SPTB: variants seen among roughly 807,000 people sequenced by gnomAD.
SPTB encodes the protein spectrin beta chain, erythrocytic.
Under a neutral mutation model 256.2 loss-of-function variants are expected in SPTB, and 45 were observed. The observed-to-expected ratio is 0.18, with a 90% confidence interval of 0.14 to 0.23. The LOEUF (loss-of-function observed/expected upper bound fraction) is 0.23, where lower values mean the gene tolerates loss of function less well. Among genes scored for constraint, SPTB ranks in the 10% least tolerant of loss-of-function variants. SPTB has a pLI of 1.00. For synonymous variants in SPTB, 1,231 were observed against 1,243.1 expected (o/e 0.99, Z 0.21); for missense variants, 2,715 against 3,040.4 (o/e 0.89, Z 2.52).
At chr14:64,773,105 C>T (rs947941068) in intron 25 of SPTB, 115 bp downstream of exon 25, 48 of 1,546,502 alleles carry the variant, frequency 3.1e-5, no homozygotes, top group African/African-American at 2.0e-4. Flanking sequence ...CGGCTGGTCC[C>T]GCCTCACACT....
chr14:64,776,128 G>A (rs1230135869), intron 22 of SPTB, among the ~76,000 whole-genome samples: 1 of 152,054 alleles, frequency 6.6e-6, no homozygotes, highest in African/African-American at 2.4e-5. Flanking sequence ...TGGTGTGTGG[G>A]CTCCTGAGCT....
chr14:64,851,642 A>T (rs1413098051), intron 1 of SPTB, among the ~76,000 whole-genome samples: 1 of 152,212 alleles, frequency 6.6e-6, no homozygotes, highest in Non-Finnish European at 1.5e-5. Context: ...CTGCTGGATA[A>T]AGAAAATGTG....
chr14:64,854,077 A>T (rs1266292953), intron 1 of SPTB, among the ~76,000 whole-genome samples: 2 of 151,680 alleles, frequency 1.3e-5, no homozygotes, highest in African/African-American at 4.8e-5. Flanking sequence ...CTGTAATCCC[A>T]GCTACTTAGG....
At chr14:64,842,396 G>T (rs17102205) in intron 1 of SPTB, among the ~76,000 whole-genome samples, 77 of 152,288 alleles carry the variant, frequency 5.1e-4, no homozygotes, top group African/African-American at 1.7e-3. Flanking sequence ...ATCCGGGGAC[G>T]TGAACCAGGC....
At position 64,774,385 on chromosome 14, in the gene SPTB, G is replaced by C; in HGVS notation, c.4973+12C>G. The C allele has an allele frequency of 1.3e-6, 2 of 1,585,182 alleles. No individual in the cohort carries two copies. The highest frequency in any genetic ancestry group is 1.7e-6 in the Non-Finnish European group (2 of 1,166,702). On this transcript the variant is annotated intron_variant, in intron 24 of 35. Coordinates refer to ENST00000644917, the MANE Select transcript of SPTB (RefSeq NM_001355436.2). ...CATCTCCTGACCGAGTCACCACAGG[G>C]GGCGCACGCACCCCTCAGGGTGGCC...
chr14:64,795,419 C>T lies in SPTB; in HGVS notation c.1562G>A (p.Arg521His), dbSNP rs760837664. Residue 521 changes from arginine (R) to histidine (H), a missense_variant, in exon 12 of 36, where the codon CGC becomes CAC. Arg to His is a conservative substitution (Grantham distance 29). Around this residue, in one of 4 missense-constraint regions of SPTB, gnomAD observed 2,239 missense variants for 2,384.4 expected, o/e 0.94. Coordinates refer to ENST00000644917, the MANE Select transcript of SPTB (RefSeq NM_001355436.2). The surrounding 1 kb of genome is among the most constrained non-coding windows in gnomAD (Gnocchi z 6.5). Reference protein sequence around the residue: ...SYLQELLQSRRQRLETTLALQ... With the variant: ...SYLQELLQSRHQRLETTLALQ... ...TGCCAGGGTGGTCTCGAGCCTCTGG[C>T]GCCGGGACTGCAGCAGCTCCTGCAG... The T allele has an allele frequency of 8.7e-6, 14 of 1,614,066 alleles. No homozygotes were observed. Among genetic ancestry groups the T allele is most frequent in the South Asian group, 3.3e-5 (3 of 91,088 alleles).
rs1321264786 is a variant in SPTB at position 64,853,661 on chromosome 14, T to A, written c.-52+26131A>T. Among the ~76,000 whole-genome samples, 4 of 152,120 alleles carry A rather than the reference T, an allele frequency of 2.6e-5. No individual in the cohort carries two copies. Among genetic ancestry groups the A allele is most frequent in the African/African-American group, 9.7e-5 (4 of 41,412 alleles). On this transcript the variant is annotated intron_variant, in intron 1 of 35. Transcript: ENST00000644917. This position sits in a 1 kb window ranked among gnomAD's most constrained non-coding sequence, Gnocchi z 4.3. ...GGCTTTGAGGGGGAGCAGACAGGCATGCAGGGCCAAGGGACAGTTGTATTC... is the reference window on the plus strand; with the variant it reads ...GGCTTTGAGGGGGAGCAGACAGGCAAGCAGGGCCAAGGGACAGTTGTATTC...
chr14:64,804,818 C>T, intron 3 of SPTB, 121 bp downstream of exon 3: 1 of 1,284,180 alleles, frequency 7.8e-7, no homozygotes, highest in East Asian at 2.3e-5. Flanking sequence ...AGTATTAGAG[C>T]CTCCCAAAGG....
chr14:64,830,516 C>T (rs561222417), intron 1 of SPTB, among the ~76,000 whole-genome samples: 89 of 152,118 alleles, frequency 5.9e-4, no homozygotes, highest in Admixed American at 9.8e-4. Flanking sequence ...CCCTGACCCA[C>T]GCACTCAGTT....
Position 64,802,333 on chromosome 14 carries a change from C to T in SPTB, c.475-16G>A. On this transcript the variant is annotated splice_polypyrimidine_tract_variant and intron_variant, in intron 4 of 35. Coordinates refer to ENST00000644917, the MANE Select transcript of SPTB (RefSeq NM_001355436.2). This position sits in a 1 kb window ranked among gnomAD's most constrained non-coding sequence, Gnocchi z 5.1. ...TGTCCTGAATCTGAGGGTAGCAGAA[C>T]AAGAGAGATTTGAAGAGGATGTGCA... 1 of 1,613,424 alleles carries T rather than the reference C, an allele frequency of 6.2e-7. No individual in the cohort carries two copies. The highest frequency in any genetic ancestry group is 1.1e-5 in the South Asian group (1 of 91,002).
intron 1 of SPTB, among the ~76,000 whole-genome samples, chr14:64,848,503 G>T (rs536256263): frequency 6.6e-6 from 1 of 152,136 alleles, no homozygotes; most frequent in African/African-American, 2.4e-5. Context: ...TCAGCTCATG[G>T]TTGAAATAAG....
At chr14:64,877,739 G>A (rs912711652) in intron 1 of SPTB, among the ~76,000 whole-genome samples, 6 of 152,218 alleles carry the variant, frequency 3.9e-5, no homozygotes, top group Non-Finnish European at 8.8e-5. Flanking sequence ...CAGAGCTGCA[G>A]CAGACCTGTC....
rs2139431671 is a variant in SPTB at position 64,753,628 on chromosome 14, C to T, written c.6511G>A (p.Ala2171Thr). The T allele has an allele frequency of 6.2e-7, 1 of 1,613,656 alleles. No homozygotes were observed. Among genetic ancestry groups the T allele is most frequent in the East Asian group, 2.2e-5 (1 of 44,866 alleles). Residue 2171 changes from alanine (A) to threonine (T), a missense_variant, in exon 33 of 36, where the codon GCC becomes ACC. Coordinates refer to ENST00000644917, the MANE Select transcript of SPTB (RefSeq NM_001355436.2). ...SEGDEPATLP[A>T]PRDHGQSVQM... ...ACACTCTGCCCATGGTCCCGCGGGG[C>T]CGGCAGCGTTGCGGGCTCATCACCC...
At chr14:64,757,617 G>A (rs2082033869) in intron 32 of SPTB, 1 of 152,546 alleles carries the variant, frequency 6.6e-6, no homozygotes, top group South Asian at 2.1e-4. Flanking sequence ...AAGGAACTGG[G>A]CTTTGGCAGG....
chr14:64,849,897 T>C (rs568166320), intron 1 of SPTB, among the ~76,000 whole-genome samples: 1 of 152,310 alleles, frequency 6.6e-6, no homozygotes, highest in South Asian at 2.1e-4. Flanking sequence ...TGGGCTGTAC[T>C]CTTCAAAGAC....
chr14:64,781,187 C>G (rs1057340665), intron 20 of SPTB, among the ~76,000 whole-genome samples: 8 of 152,134 alleles, frequency 5.3e-5, no homozygotes, highest in African/African-American at 1.9e-4. Flanking sequence ...GACAAAGACA[C>G]TAAAAGAAAT....
intron 33 of SPTB, chr14:64,752,360 AG>A: frequency 1.1e-6 from 1 of 886,394 alleles, no homozygotes; most frequent in Non-Finnish European, 1.6e-6. Flanking sequence ...GCACATAGGG[AG>A]GAAGTTCTGG....
chr14:64,769,558 G>A, intron 28 of SPTB, 32 bp downstream of exon 28: 1 of 1,612,498 alleles, frequency 6.2e-7, no homozygotes, highest in Non-Finnish European at 8.5e-7. Flanking sequence ...CGGAGACGGA[G>A]GAGCTCGCCT....
chr14:64,822,401 C>CACACACACACACACACATACACAGAGCA (rs1555374137), intron 2 of SPTB, among the ~76,000 whole-genome samples: 1 of 136,522 alleles, frequency 7.3e-6, no homozygotes, highest in Non-Finnish European at 1.6e-5. Flanking sequence ...CACACACACA[C>CACACACACACACACACATACACAGAGCA]AGAGAGATCT....
Sources: gnomAD v4.1 joint callset for allele counts (sites outside exome capture counted in the v4.1 genomes callset) on GRCh38, gnomAD v4.1.1 for gene constraint, gnomAD v4.1.1 regional missense constraint, Gnocchi (gnomAD v3.1) non-coding constraint, MANE v1.5 for transcripts, NCBI Gene and HGNC (gene_info 2026-07-23, HGNC 2026-07-21) for gene names.